Variants in TRPM1 observed in about 807,000 individuals in gnomAD.
The protein encoded by TRPM1 is transient receptor potential cation channel subfamily M member 1, also known as TRPM1-203 APA Isoform, Intron 10.
Under a neutral mutation model 149.4 loss-of-function variants are expected in TRPM1, and 113 were observed. That is an observed-to-expected ratio of 0.76 (90% CI 0.65 to 0.88). The LOEUF is 0.88. Among genes scored for constraint, TRPM1 ranks in the 40% least tolerant of loss-of-function variants. The probability of loss-of-function intolerance (pLI) is 0.00; values close to 1 mark genes in which losing one functional copy is unlikely to be tolerated. For synonymous variants in TRPM1, 741 were observed against 759.5 expected (o/e 0.98, Z 0.40); for missense variants, 1,976 against 2,038.7 (o/e 0.97, Z 0.59).
At chr15:31,087,506 A>G (rs1479328168) in intron 1 of TRPM1, among the ~76,000 whole-genome samples, 1 of 151,912 alleles carries the variant, frequency 6.6e-6, no homozygotes, top group Non-Finnish European at 1.5e-5. Flanking sequence ...TGCCTGCCTC[A>G]GCCTCCCAAA....
intron 16 of TRPM1, among the ~76,000 whole-genome samples, chr15:31,044,107 A>G (rs545210014): frequency 6.6e-6 from 1 of 152,332 alleles, no homozygotes; most frequent in African/African-American, 2.4e-5. Flanking sequence ...TATCTGGGAA[A>G]TTTGAAATAC....
rs2035295531 is a variant in TRPM1, at chr15:31,093,478, T to G, written c.-84+8179A>C. 2.0e-5 allele frequency among the ~76,000 whole-genome samples: 3 copies of G among 152,194 alleles called. No individual in the cohort carries two copies. In the South Asian group the frequency reaches 6.2e-4, roughly 32 times the overall value. ...AAATTTAACCAAAGAGGTGAAGGCC[T>G]TGTACACTGAAAGTGACAAGACCTC... On this transcript the variant is annotated intron_variant, in intron 1 of 27. Transcript: ENST00000256552.
At chr15:31,123,425 A>T (rs1198516825) in intron 1 of TRPM1, among the ~76,000 whole-genome samples, 1 of 152,216 alleles carries the variant, frequency 6.6e-6, no homozygotes, top group Non-Finnish European at 1.5e-5. Context: ...TGCAAAACAC[A>T]CATTTGATAA....
chr15:31,025,588 C>T (rs2032697350), intron 27 of TRPM1, among the ~76,000 whole-genome samples: 2 of 152,220 alleles, frequency 1.3e-5, no homozygotes, highest in South Asian at 4.1e-4. Flanking sequence ...AAGACACACC[C>T]TGCCCTAGTT....
intron 1 of TRPM1, among the ~76,000 whole-genome samples, chr15:31,125,503 G>A (rs562350142): frequency 7.4e-4 from 112 of 151,670 alleles, no homozygotes; most frequent in African/African-American, 2.7e-3. Flanking sequence ...GGCCGAGGCG[G>A]GCGGATCACG....
Position 31,113,520 on chromosome 15 carries a change from G to A in TRPM1, c.55-36536C>T, listed in dbSNP as rs561049198. On this transcript the variant is annotated intron_variant, in intron 1 of 26. Coordinates refer to the TRPM1 transcript ENST00000542188. ...ACAGTGACTGAGAATTTTCCAAACT[G>A]TCAAAAAACATTTTTCTTTGTACTC... Among the ~76,000 whole-genome samples the A allele has an allele frequency of 5.3e-5, 8 of 151,660 alleles. 2 individuals carry two copies. Among genetic ancestry groups the A allele is most frequent in the African/African-American group, 1.9e-4 (8 of 41,238 alleles).
intron 4 of TRPM1, chr15:31,069,736 T>C: frequency 7.0e-7 from 1 of 1,429,198 alleles, no homozygotes; most frequent in Non-Finnish European, 9.1e-7. Context: ...CTTCCTTTAC[T>C]GAAGATGGAG....
In TRPM1 at chr15:31,032,932, C is replaced by T. The variant is rs2033161701; in HGVS notation, c.2709G>A (p.Met903Ile). ...TCTGGCTGAGTTTGCCTGGTTCTGA[C>T]ATGAGGATCTGAAAACAAACCCCAA... ...LALEKIREIL[M>I]SEPGKLSQKI... Residue 903 changes from methionine to isoleucine, a missense_variant, in exon 22 of 28, where the codon ATG (methionine) becomes ATA (isoleucine). Physicochemically the swap from Met to Ile is conservative, Grantham distance 10 (BLOSUM62 1). This residue lies in a region of TRPM1 where 1,332 missense variants were observed against 1,347.1 expected (regional missense o/e 0.99). Transcript: ENST00000256552. 6.2e-7 allele frequency: 1 copy of T among 1,614,070 alleles called. No individual in the cohort carries two copies. Among genetic ancestry groups the T allele is most frequent in the Non-Finnish European group, 8.5e-7 (1 of 1,180,048 alleles).
At chr15:31,124,723 C>T (rs1396267224) in intron 1 of TRPM1, among the ~76,000 whole-genome samples, 2 of 148,802 alleles carry the variant, frequency 1.3e-5, no homozygotes, top group Non-Finnish European at 3.0e-5. Flanking sequence ...CTGGAAAGGG[C>T]GAAATTATAG....
Position 31,040,068 on chromosome 15 carries a change from AGTCACTT to A in TRPM1, c.2316+43_2316+49del. On this transcript the variant is annotated intron_variant, in intron 18 of 27. Coordinates refer to ENST00000256552, the MANE Select transcript of TRPM1 (RefSeq NM_001252024.2). This position sits in a 1 kb window ranked among gnomAD's most constrained non-coding sequence, Gnocchi z 4.2. ...AAGTGCTCAGTTCAGCCTGGCAGAG[AGTCACTT>A]GTCACTGTCACCCTGGCCCGCCTCG... 5.2e-6 allele frequency: 8 copies of A among 1,530,218 alleles called. No individual in the cohort carries two copies. Among genetic ancestry groups the A allele is most frequent in the Non-Finnish European group, 7.2e-6 (8 of 1,103,980 alleles). 94.8% of individuals were successfully genotyped at this position (1,530,218 alleles called of 1,614,324 possible).
intron 10 of TRPM1, 52 bp downstream of exon 10, chr15:31,061,389 GC>G (rs2034227008): frequency 2.6e-6 from 4 of 1,568,384 alleles, no homozygotes; most frequent in Admixed American, 1.7e-5. Flanking sequence ...GGGAAGGATT[GC>G]CGGCTAGGCC....
intron 1 of TRPM1, among the ~76,000 whole-genome samples, chr15:31,116,306 C>A (rs1391562288): frequency 6.6e-6 from 1 of 152,122 alleles, no homozygotes; most frequent in Non-Finnish European, 1.5e-5. Context: ...AGGCTGAAGT[C>A]TAATTACAGC....
chr15:31,082,467 T>C (rs765446282), intron 1 of TRPM1, among the ~76,000 whole-genome samples: 1 of 151,992 alleles, frequency 6.6e-6, no homozygotes, highest in Non-Finnish European at 1.5e-5. Context: ...TGGCTTTGAG[T>C]GGTTTTGAGC....
intron 16 of TRPM1, 102 bp downstream of exon 16, chr15:31,046,102 A>G: frequency 8.9e-7 from 1 of 1,127,972 alleles, no homozygotes; most frequent in South Asian, 1.3e-5. Context: ...ATCTAGGTAA[A>G]TTTTGGTGAG....
In TRPM1 at chr15:31,124,139, G is replaced by T. The variant is rs187407026; in HGVS notation, c.54+36767C>A. Among the ~76,000 whole-genome samples the T allele has an allele frequency of 3.5e-4, 53 of 152,242 alleles. 1 individual carries two copies. In the East Asian group the frequency reaches 5.6e-3, roughly 16 times the overall value. On this transcript the variant is annotated intron_variant, in intron 1 of 26. Coordinates refer to the TRPM1 transcript ENST00000542188. ...TCTCTACTAAAAAATACAAAAGTTAGCTGGGCGTGGTGGTGCACACCTGCA... is the reference window on the plus strand; with the variant it reads ...TCTCTACTAAAAAATACAAAAGTTATCTGGGCGTGGTGGTGCACACCTGCA...
At chr15:31,133,131 A>G (rs1352085492) in intron 1 of TRPM1, among the ~76,000 whole-genome samples, 1 of 152,228 alleles carries the variant, frequency 6.6e-6, no homozygotes, top group East Asian at 1.9e-4. Context: ...CCTGGGAGTC[A>G]GGCTGCAATA....
chr15:31,133,339 A>G (rs560917724), intron 1 of TRPM1, among the ~76,000 whole-genome samples: 5 of 151,754 alleles, frequency 3.3e-5, no homozygotes, highest in African/African-American at 1.2e-4. Flanking sequence ...AGGCTGAGGT[A>G]GGTGGATCAC....
In TRPM1 at chr15:31,038,127, A is replaced by G; in HGVS notation, c.2356T>C (p.Leu786=). 6.2e-7 allele frequency: 1 copy of G among 1,614,164 alleles called. No homozygotes were observed. Among genetic ancestry groups the G allele is most frequent in the Non-Finnish European group, 8.5e-7 (1 of 1,180,012 alleles). ...AAATCATCATATGTGCGAAATTCCA[A>G]AAACAAGATGGTGGGGGGTAGAAGA... ...GILLPPTILF[L]EFRTYDDFSY... is the part of the protein sequence containing the mutation. Residue 786 remains leucine, a synonymous_variant, in exon 19 of 28, where the codon TTG becomes CTG. Coordinates refer to ENST00000256552, the MANE Select transcript of TRPM1 (RefSeq NM_001252024.2).
intron 1 of TRPM1, among the ~76,000 whole-genome samples, chr15:31,083,009 C>T (rs796577795): frequency 3.3e-5 from 5 of 152,090 alleles, no homozygotes; most frequent in African/African-American, 1.2e-4. Flanking sequence ...CAGGAAGGTG[C>T]AGGGGGATAC....
Sources: allele counts gnomAD v4.1 joint callset (sites outside exome capture counted in the v4.1 genomes callset), GRCh38; gene constraint gnomAD v4.1.1; regional missense constraint gnomAD v4.1.1; non-coding constraint Gnocchi (gnomAD v3.1); transcripts MANE v1.5; gene names NCBI Gene and HGNC (gene_info 2026-07-23, HGNC 2026-07-21).